PPFIBP1: variants seen among roughly 807,000 people sequenced by gnomAD.
PPFIBP1 encodes liprin-beta-1.
Under a neutral mutation model 137.8 loss-of-function variants are expected in PPFIBP1, and 112 were observed. The observed-to-expected ratio is 0.81, with a 90% CI of 0.70 to 0.95. The LOEUF (loss-of-function observed/expected upper bound fraction) is 0.95. Ranked by LOEUF, PPFIBP1 falls within the 40% of genes least tolerant of loss-of-function variation. PPFIBP1 has a pLI of 0.00. For missense variants in PPFIBP1, 1,083 were observed against 1,196.6 expected, an observed-to-expected ratio of 0.91 and a Z score of 1.40; for synonymous variants, 378 against 417.3, an observed-to-expected ratio of 0.91 and a Z score of 1.15.
At chr12:27,654,621 A>G (rs1180709218) in intron 7 of PPFIBP1, 101 bp from the exon 8 acceptor site, 19 of 1,416,856 alleles carry the variant, frequency 1.3e-5, no homozygotes, top group Non-Finnish European at 1.6e-5. Flanking sequence ...CTTTAACCCT[A>G]GGAGCTGGTG....
intron 13 of PPFIBP1, among the ~76,000 whole-genome samples, chr12:27,669,579 TC>T (rs1292715977): frequency 6.6e-6 from 1 of 152,138 alleles, no homozygotes; most frequent in Admixed American, 6.6e-5. Flanking sequence ...TTGAAAAAGA[TC>T]AAGAAAATTG....
At chr12:27,575,321 T>C (rs1208657402) in intron 1 of PPFIBP1, among the ~76,000 whole-genome samples, 2 of 152,158 alleles carry the variant, frequency 1.3e-5, no homozygotes, top group Admixed American at 6.5e-5. Flanking sequence ...GACACTTAAG[T>C]CATATCTGAA....
rs771158140 is a variant in PPFIBP1 at position 27,635,084 on chromosome 12, A to G, written c.239A>G (p.Glu80Gly). ...LRCQIPDSTA[E>G]TLVEWLQSQM... ...TGCCAGATCCCAGATTCAACAGCAG[A>G]AACGCTTGTTGAATGGCTTCAGAGT... The change falls in exon 4 of 30, where the codon GAA becomes GGA. Residue 80 changes from glutamate (E) to glycine (G), a missense_variant. Coordinates refer to ENST00000228425, the MANE Select transcript of PPFIBP1 (RefSeq NM_003622.4). 1 of 1,614,222 alleles carries G rather than the reference A, an allele frequency of 6.2e-7. No homozygotes were observed. The highest frequency in any genetic ancestry group is 2.2e-5 in the East Asian group (1 of 44,886).
intron 4 of PPFIBP1, among the ~76,000 whole-genome samples, chr12:27,640,558 G>C (rs916818329): frequency 6.6e-6 from 1 of 152,084 alleles, no homozygotes; most frequent in African/African-American, 2.4e-5. Flanking sequence ...TATGACTAGG[G>C]TAATATTATA....
At chr12:27,683,928 C>G (rs1309554688) in intron 24 of PPFIBP1, among the ~76,000 whole-genome samples, 2 of 151,982 alleles carry the variant, frequency 1.3e-5, no homozygotes, top group Non-Finnish European at 2.9e-5. Context: ...GCTGGGACTA[C>G]AGGCACCTGC....
At chr12:27,530,478 T>G (rs967654628) in intron 1 of PPFIBP1, among the ~76,000 whole-genome samples, 1 of 152,238 alleles carries the variant, frequency 6.6e-6, no homozygotes, top group Admixed American at 6.5e-5. Context: ...TGTGTGACTT[T>G]GCATAACTGA....
chr12:27,559,735 T>C (rs2049006675), intron 1 of PPFIBP1, among the ~76,000 whole-genome samples: 1 of 152,220 alleles, frequency 6.6e-6, no homozygotes, highest in African/African-American at 2.4e-5. Flanking sequence ...GTTATACCTC[T>C]TGGCATAATT....
intron 2 of PPFIBP1, among the ~76,000 whole-genome samples, chr12:27,624,798 T>G (rs544800170): frequency 6.6e-5 from 10 of 152,330 alleles, no homozygotes; most frequent in African/African-American, 2.4e-4. Flanking sequence ...AACAAGTGTT[T>G]TATTATTTGG....
At chr12:27,638,357 G>C (rs550108095) in intron 4 of PPFIBP1, among the ~76,000 whole-genome samples, 1 of 152,292 alleles carries the variant, frequency 6.6e-6, no homozygotes, top group Non-Finnish European at 1.5e-5. Flanking sequence ...TTTAAAAAAG[G>C]AAGCAGTGAA....
chr12:27,694,527 G>A lies in PPFIBP1; in HGVS notation c.*1645G>A, dbSNP rs999194568. On this transcript the variant is annotated 3_prime_UTR_variant, in exon 30 of 30. Coordinates refer to ENST00000228425, the MANE Select transcript of PPFIBP1 (RefSeq NM_003622.4). ...AATGAATGGAGGTTTTTAAAAAGTTGAATATTTGTCTGAACATTTTATTTC... is the reference window on the plus strand; with the variant it reads ...AATGAATGGAGGTTTTTAAAAAGTTAAATATTTGTCTGAACATTTTATTTC... The A allele has an allele frequency of 1.3e-5, 2 of 152,112 alleles. No individual in the cohort carries two copies. The highest frequency in any genetic ancestry group is 1.3e-4 in the Admixed American group (2 of 15,276). The allele number at this position is 152,112 out of a possible 1,614,324, so 9.4% of individuals were successfully genotyped here.
At chr12:27,547,117 G>C (rs1317300655) in intron 1 of PPFIBP1, 2 of 152,230 alleles carry the variant, frequency 1.3e-5, no homozygotes, top group African/African-American at 4.8e-5. Context: ...GATTTGCTAG[G>C]ATTTGAGGTT....
At chr12:27,574,185 G>T (rs182264851) in intron 1 of PPFIBP1, among the ~76,000 whole-genome samples, 53 of 152,296 alleles carry the variant, frequency 3.5e-4, no homozygotes, top group African/African-American at 1.2e-3. Flanking sequence ...GAAGTGGTGG[G>T]GGTGATTCAG....
At chr12:27,599,950 A>G (rs2053781341) in intron 2 of PPFIBP1, among the ~76,000 whole-genome samples, 1 of 152,252 alleles carries the variant, frequency 6.6e-6, no homozygotes, top group African/African-American at 2.4e-5. Flanking sequence ...AAAGGACATT[A>G]GTGAAAAAAC....
At chr12:27,562,426 T>A (rs1194288994) in intron 1 of PPFIBP1, among the ~76,000 whole-genome samples, 3 of 152,230 alleles carry the variant, frequency 2.0e-5, no homozygotes, top group Non-Finnish European at 4.4e-5. Flanking sequence ...TTTTTACAAT[T>A]ATTAAGATTT....
At chr12:27,650,168 T>C (rs200874410) in intron 7 of PPFIBP1, 27 bp downstream of exon 7, 11 of 1,438,598 alleles carry the variant, frequency 7.6e-6, no homozygotes, top group Middle Eastern at 1.8e-4. Context: ...CTCCTCCCTC[T>C]CTCTCTCTCT....
At chr12:27,569,477 T>A (rs1274577671) in intron 1 of PPFIBP1, among the ~76,000 whole-genome samples, 1 of 152,140 alleles carries the variant, frequency 6.6e-6, no homozygotes, top group Non-Finnish European at 1.5e-5. Context: ...GCCCACTGGC[T>A]CTCTGTCAAA....
chr12:27,570,655 T>G (rs1166871945), intron 1 of PPFIBP1, among the ~76,000 whole-genome samples: 1 of 151,846 alleles, frequency 6.6e-6, no homozygotes, highest in Non-Finnish European at 1.5e-5. Context: ...GGGAAGGGTT[T>G]TGAAAAAATG....
At chr12:27,678,599 C>T (rs1447072877) in intron 19 of PPFIBP1, among the ~76,000 whole-genome samples, 1 of 152,064 alleles carries the variant, frequency 6.6e-6, no homozygotes, top group Non-Finnish European at 1.5e-5. Context: ...GTGGCTCACG[C>T]CTGTAATCTC....
intron 2 of PPFIBP1, among the ~76,000 whole-genome samples, chr12:27,591,017 T>G (rs1423041216): frequency 1.3e-5 from 2 of 152,084 alleles, no homozygotes; most frequent in Non-Finnish European, 2.9e-5. Context: ...TACAGAATAT[T>G]ATCACTCATA....
Sources: allele counts gnomAD v4.1 joint callset (sites outside exome capture counted in the v4.1 genomes callset), GRCh38; gene constraint gnomAD v4.1.1; transcripts MANE v1.5; gene names NCBI Gene and HGNC (gene_info 2026-07-23, HGNC 2026-07-21).